The following PRKG1 variants were observed in gnomAD, a reference collection of about 807,000 sequenced individuals.
PRKG1 encodes protein kinase cGMP-dependent 1, also known as cGMP-dependent protein kinase 1.
Under a neutral mutation model 88.1 loss-of-function variants are expected in PRKG1, and 35 were observed. The ratio of observed to expected loss-of-function variants is 0.40; its 90% CI spans 0.30 to 0.53. The LOEUF (loss-of-function observed/expected upper bound fraction) is 0.53, where lower values mean the gene tolerates loss of function less well. PRKG1 is among the 20% of genes least tolerant of loss of function. The pLI is 0.59. For missense variants in PRKG1, 540 were observed against 839.8 expected, an observed-to-expected ratio of 0.64 and a Z score of 4.41; for synonymous variants, 303 against 292.5, an observed-to-expected ratio of 1.04 and a Z score of -0.37.
chr10:51,528,881 T>A (rs1008165089), intron 3 of PRKG1, among the ~76,000 whole-genome samples: 1 of 152,106 alleles, frequency 6.6e-6, no homozygotes, highest in Non-Finnish European at 1.5e-5. Context: ...TTGTCCCCAA[T>A]GTAAATGGAA....
chr10:51,783,114 CAATT>C (rs1838638135), intron 3 of PRKG1, among the ~76,000 whole-genome samples: 1 of 151,968 alleles, frequency 6.6e-6, no homozygotes, highest in South Asian at 2.1e-4. Context: ...TATTCTACCC[CAATT>C]AATTAAATTG....
chr10:51,136,431 A>C (rs966013624), intron 1 of PRKG1, among the ~76,000 whole-genome samples: 1 of 152,126 alleles, frequency 6.6e-6, no homozygotes, highest in Non-Finnish European at 1.5e-5. Flanking sequence ...TTTCAGCGAA[A>C]TTATCTCAGG....
At chr10:52,152,383 A>G (rs1171192102) in intron 8 of PRKG1, among the ~76,000 whole-genome samples, 1 of 152,142 alleles carries the variant, frequency 6.6e-6, no homozygotes, top group Non-Finnish European at 1.5e-5. Context: ...TATTTAAACA[A>G]ACAAAGTGAT....
At chr10:51,230,332 A>G (rs1466807814) in intron 2 of PRKG1, among the ~76,000 whole-genome samples, 1 of 152,194 alleles carries the variant, frequency 6.6e-6, no homozygotes, top group Admixed American at 6.5e-5. Flanking sequence ...ACTAATGGGT[A>G]CCTCTGGGAA....
At chr10:51,073,866 G>C (rs2132801495), upstream of PRKG1, among the ~76,000 whole-genome samples, 1 of 152,304 alleles carries the variant, frequency 6.6e-6, no homozygotes, top group East Asian at 1.9e-4. Flanking sequence ...GGGTGGGAAA[G>C]GTGGCGTGGG....
At chr10:51,105,291 G>A (rs1844805343) in intron 1 of PRKG1, among the ~76,000 whole-genome samples, 1 of 152,224 alleles carries the variant, frequency 6.6e-6, no homozygotes, top group South Asian at 2.1e-4. Flanking sequence ...TATGTATAAT[G>A]TGACACCATT....
At chr10:51,280,156 A>G (rs1840252486) in intron 2 of PRKG1, among the ~76,000 whole-genome samples, 1 of 152,082 alleles carries the variant, frequency 6.6e-6, no homozygotes, top group Non-Finnish European at 1.5e-5. Context: ...TGGATATGAA[A>G]TTCTGGGTTG....
rs180895410 is a variant in PRKG1, at chr10:51,581,915, A to G, written c.592+114079A>G. ...ACCTAGTTCATCTTAAACACACTCC[A>G]ATGAAGGAATAAGTACATTAAAAAA... On this transcript the variant is annotated intron_variant, in intron 3 of 17. Transcript: ENST00000373980. Among the ~76,000 whole-genome samples, 4 of 151,426 alleles carry G rather than the reference A, an allele frequency of 2.6e-5. No homozygotes were observed. In the East Asian group the frequency reaches 7.8e-4, roughly 30 times the overall value.
At chr10:51,572,200 A>G (rs1421122573) in intron 3 of PRKG1, among the ~76,000 whole-genome samples, 1 of 151,882 alleles carries the variant, frequency 6.6e-6, no homozygotes, top group Admixed American at 6.6e-5. Context: ...AATCCTTTCT[A>G]TCTGAAAATC....
intron 4 of PRKG1, among the ~76,000 whole-genome samples, chr10:51,805,189 C>A (rs1839273047): frequency 6.6e-6 from 1 of 152,006 alleles, no homozygotes; most frequent in South Asian, 2.1e-4. Context: ...GCTTATTATC[C>A]TTTAATCCTG....
At chr10:52,089,570 A>G (rs2133319922) in intron 7 of PRKG1, among the ~76,000 whole-genome samples, 1 of 152,278 alleles carries the variant, frequency 6.6e-6, no homozygotes. Flanking sequence ...AATGAGATCC[A>G]GGTTTCTTAC....
chr10:51,264,111 A>G (rs1307891501), intron 2 of PRKG1, among the ~76,000 whole-genome samples: 2 of 152,214 alleles, frequency 1.3e-5, no homozygotes, highest in Non-Finnish European at 2.9e-5. Flanking sequence ...GACGAATATT[A>G]TCAATGAATT....
At chr10:51,163,189 G>A (rs1846412877) in intron 2 of PRKG1, among the ~76,000 whole-genome samples, 1 of 152,116 alleles carries the variant, frequency 6.6e-6, no homozygotes, top group Non-Finnish European at 1.5e-5. Context: ...AAGAAAAACA[G>A]AACACAAATA....
chr10:51,928,800 G>A (rs1192436871), intron 5 of PRKG1, among the ~76,000 whole-genome samples: 1 of 152,084 alleles, frequency 6.6e-6, no homozygotes, highest in East Asian at 1.9e-4. Flanking sequence ...GTGGAAAAAT[G>A]GCTCTAATAT....
At chr10:52,185,180 G>A (rs930315183) in intron 9 of PRKG1, 1 of 152,138 alleles carries the variant, frequency 6.6e-6, no homozygotes, top group Non-Finnish European at 1.5e-5. Flanking sequence ...ATCAAAACAA[G>A]TTATTTACAC....
chr10:51,050,624 C>T (rs1843548858), intron 1 of PRKG1, among the ~76,000 whole-genome samples: 1 of 152,100 alleles, frequency 6.6e-6, no homozygotes, highest in African/African-American at 2.4e-5. Context: ...TAAACATGAA[C>T]GTGGTGACAT....
intron 5 of PRKG1, among the ~76,000 whole-genome samples, chr10:51,942,185 C>G (rs1243603294): frequency 1.3e-5 from 2 of 151,958 alleles, no homozygotes; most frequent in African/African-American, 2.4e-5. Context: ...TTTTGATTTG[C>G]ATTTCTCTGA....
intron 2 of PRKG1, among the ~76,000 whole-genome samples, chr10:51,295,015 T>G (rs938770597): frequency 1.3e-5 from 2 of 152,174 alleles, no homozygotes; most frequent in African/African-American, 2.4e-5. Context: ...CCCAGGAGTT[T>G]GAGGCTGCAG....
At chr10:51,414,484 G>A (rs1564484256) in intron 2 of PRKG1, among the ~76,000 whole-genome samples, 1 of 152,206 alleles carries the variant, frequency 6.6e-6, no homozygotes, top group Non-Finnish European at 1.5e-5. Context: ...ATGCTTTCAA[G>A]GAGGTGTGTA....
Sources: allele counts gnomAD v4.1 joint callset (sites outside exome capture counted in the v4.1 genomes callset), GRCh38; gene constraint gnomAD v4.1.1; transcripts MANE v1.5; gene names NCBI Gene and HGNC (gene_info 2026-07-23, HGNC 2026-07-21).